Variants in RNF121 observed in about 807,000 individuals in gnomAD.
The protein encoded by RNF121 is ring finger protein 121, also known as E3 ubiquitin ligase RNF121.
A neutral mutation model predicts 46.5 loss-of-function variants in RNF121; 21 were observed. The ratio of observed to expected loss-of-function variants is 0.45; its 90% CI spans 0.32 to 0.65. The LOEUF (loss-of-function observed/expected upper bound fraction) is 0.65. Among genes scored for constraint, RNF121 ranks in the 30% least tolerant of loss-of-function variants. The pLI, the probability that RNF121 is intolerant of heterozygous loss-of-function variation, is 0.04. For missense variants in RNF121, 346 were observed against 416.0 expected (o/e 0.83, Z 1.46); for synonymous variants, 139 against 144.7 (o/e 0.96, Z 0.28).
intron 5 of RNF121, among the ~76,000 whole-genome samples, chr11:71,990,277 G>C (rs751059038): frequency 6.6e-6 from 1 of 152,168 alleles, no homozygotes; most frequent in Non-Finnish European, 1.5e-5. Context: ...TGTAGGTCCC[G>C]ATGAGCATAG....
At chr11:71,978,426 A>G (rs914762450) in intron 3 of RNF121, among the ~76,000 whole-genome samples, 1 of 152,158 alleles carries the variant, frequency 6.6e-6, no homozygotes, top group Non-Finnish European at 1.5e-5. Context: ...GTGTCTTCTG[A>G]TAATTTATTT....
chr11:71,994,980 G>A, intron 7 of RNF121, 128 bp downstream of exon 7: 1 of 1,254,908 alleles, frequency 8.0e-7, no homozygotes. Flanking sequence ...AGCCACAAGA[G>A]GGCCACCTTC....
intron 1 of RNF121, among the ~76,000 whole-genome samples, chr11:71,954,689 C>T (rs1242516289): frequency 6.6e-6 from 1 of 152,168 alleles, no homozygotes; most frequent in African/African-American, 2.4e-5. Flanking sequence ...ACCTTCATGC[C>T]TGGCCCAGTA....
chr11:71,981,183 G>C (rs1013304273), intron 3 of RNF121, among the ~76,000 whole-genome samples: 1 of 150,604 alleles, frequency 6.6e-6, no homozygotes, highest in African/African-American at 2.4e-5. Context: ...TGAGTAGCTG[G>C]GACTACAGGT....
intron 4 of RNF121, 122 bp downstream of exon 4, chr11:71,983,037 T>G: frequency 1.1e-6 from 1 of 937,536 alleles, no homozygotes. Flanking sequence ...TTATTTGGCA[T>G]GGGGCCTCTC....
intron 3 of RNF121, among the ~76,000 whole-genome samples, chr11:71,970,508 A>T (rs957897976): frequency 1.3e-5 from 2 of 152,110 alleles, no homozygotes; most frequent in African/African-American, 4.8e-5. Flanking sequence ...TAAAAATTTT[A>T]AAAATTAGCT....
At chr11:71,961,966 A>ATTTT (rs11399586) in intron 3 of RNF121, among the ~76,000 whole-genome samples, 25 of 134,284 alleles carry the variant, frequency 1.9e-4, no homozygotes, top group African/African-American at 4.5e-4. Flanking sequence ...ATCTGCAAAG[A>ATTTT]TTTTTTTTTT....
At chr11:71,941,733 G>C (rs1341692561) in intron 1 of RNF121, among the ~76,000 whole-genome samples, 1 of 152,200 alleles carries the variant, frequency 6.6e-6, no homozygotes, top group Non-Finnish European at 1.5e-5. Flanking sequence ...TATGTTCCAA[G>C]TGGAGGGAGA....
chr11:71,934,376 T>C (rs1423932266), intron 1 of RNF121, among the ~76,000 whole-genome samples: 1 of 152,212 alleles, frequency 6.6e-6, no homozygotes, highest in Non-Finnish European at 1.5e-5. Context: ...GTGGGGTGGG[T>C]GCAGTGGGCA....
At chr11:71,948,868 C>T (rs1953793560) in intron 1 of RNF121, among the ~76,000 whole-genome samples, 1 of 152,184 alleles carries the variant, frequency 6.6e-6, no homozygotes, top group South Asian at 2.1e-4. Flanking sequence ...CACTTGTTAT[C>T]TTAATCACGC....
intron 2 of RNF121, among the ~76,000 whole-genome samples, chr11:71,959,637 C>CTTT (rs893968966): frequency 5.8e-5 from 8 of 138,236 alleles, no homozygotes; most frequent in East Asian, 2.0e-4. Context: ...CTCTCTTCTT[C>CTTT]TTTTTTTTTT....
At chr11:71,990,405 C>G (rs1221149249) in intron 5 of RNF121, among the ~76,000 whole-genome samples, 192 bp from the exon 6 acceptor site, 1 of 152,208 alleles carries the variant, frequency 6.6e-6, no homozygotes, top group African/African-American at 2.4e-5. Context: ...ACAGTGCTAG[C>G]TAGCCTCCTC....
chr11:71,943,150 G>A (rs982793285), intron 1 of RNF121, among the ~76,000 whole-genome samples: 17 of 152,218 alleles, frequency 1.1e-4, no homozygotes, highest in Admixed American at 9.2e-4. Context: ...TAGCAGAGAC[G>A]ATGGAGAAAA....
At chr11:71,963,609 A>C (rs1590792141) in intron 3 of RNF121, among the ~76,000 whole-genome samples, 2 of 151,242 alleles carry the variant, frequency 1.3e-5, no homozygotes, top group Middle Eastern at 6.8e-3. Context: ...ACAGAGCAAG[A>C]CTCCTTCCCA....
intron 3 of RNF121, among the ~76,000 whole-genome samples, chr11:71,969,569 T>A (rs1954374801): frequency 6.6e-6 from 1 of 152,164 alleles, no homozygotes; most frequent in Admixed American, 6.5e-5. Flanking sequence ...AAACCATATT[T>A]TACTTTATTT....
chr11:71,962,757 G>A (rs1954167105), intron 3 of RNF121, among the ~76,000 whole-genome samples: 1 of 152,190 alleles, frequency 6.6e-6, no homozygotes, highest in Admixed American at 6.5e-5. Flanking sequence ...TGTGTTTAAT[G>A]TTTTGAGGAA....
chr11:71,971,276 C>T (rs1954415037), intron 3 of RNF121, among the ~76,000 whole-genome samples: 1 of 151,916 alleles, frequency 6.6e-6, no homozygotes, highest in Non-Finnish European at 1.5e-5. Flanking sequence ...CCCAGCTACT[C>T]AGGAGGCTGA....
chr11:71,982,848 T>C lies in RNF121; in HGVS notation c.331T>C (p.Phe111Leu). 1 of 1,614,122 alleles carries C rather than the reference T, an allele frequency of 6.2e-7. No homozygotes were observed. Among genetic ancestry groups the C allele is most frequent in the African/African-American group, 1.3e-5 (1 of 75,048 alleles). The change falls in exon 4 of 9, where the codon TTC becomes CTC. Residue 111 changes from phenylalanine (F) to leucine (L), a missense_variant. Physicochemically the swap from Phe to Leu is conservative, Grantham distance 22. Around this residue, in one of 2 missense-constraint regions of RNF121, gnomAD observed 286 missense variants for 383.8 expected, o/e 0.75. Transcript: ENST00000361756. ...WWRFLVIWIL[F>L]SAVTAFVTFR... ...GAGGTTCCTAGTGATCTGGATCTTG[T>C]TCTCTGCTGTCACAGCCTTTGTTAC...
At chr11:71,967,533 A>G (rs936922236) in intron 3 of RNF121, among the ~76,000 whole-genome samples, 8 of 151,824 alleles carry the variant, frequency 5.3e-5, no homozygotes, top group African/African-American at 1.7e-4. Flanking sequence ...TATTTTTAGT[A>G]CAAATGTATT....
Sources: allele counts gnomAD v4.1 joint callset (sites outside exome capture counted in the v4.1 genomes callset), GRCh38; gene constraint gnomAD v4.1.1; regional missense constraint gnomAD v4.1.1; transcripts MANE v1.5; gene names NCBI Gene and HGNC (gene_info 2026-07-23, HGNC 2026-07-21).